The following DOCK10 variants were observed in gnomAD, a reference collection of about 807,000 sequenced individuals.
DOCK10 encodes the protein dedicator of cytokinesis protein 10.
In DOCK10, 145 loss-of-function variants were observed where a neutral mutation model predicts 280.1. The ratio of observed to expected loss-of-function variants is 0.52; its 90% CI spans 0.45 to 0.59. DOCK10 has a LOEUF of 0.59. Ranked by LOEUF, DOCK10 falls within the 20% of genes least tolerant of loss-of-function variation. The pLI is 0.00. For synonymous variants in DOCK10, 915 were observed against 942.2 expected, an observed-to-expected ratio of 0.97 and a Z score of 0.53; for missense variants, 2,368 against 2,651.7, an observed-to-expected ratio of 0.89 and a Z score of 2.35.
In DOCK10 at chr2:224,864,579, A is replaced by G; in HGVS notation, c.1576T>C (p.Tyr526His). 6.2e-7 allele frequency: 1 copy of G among 1,606,024 alleles called. No homozygotes were observed. Among genetic ancestry groups the G allele is most frequent in the Non-Finnish European group, 8.5e-7 (1 of 1,177,922 alleles). ...MGNIASGAEP[Y>H]IKNPDSNKYA... is the part of the protein sequence containing the mutation. ...TTGTTGGAGTCTGGGTTCTTAATATAAGGTTCGGCACCACTTGCAATGTTT... is the reference window on the plus strand; with the variant it reads ...TTGTTGGAGTCTGGGTTCTTAATATGAGGTTCGGCACCACTTGCAATGTTT... Residue 526 changes from tyrosine to histidine, a missense_variant, in exon 13 of 56, where the codon TAT becomes CAT. Tyr to His is a moderately conservative substitution (Grantham distance 83). This residue lies in a region of DOCK10 where 1,209 missense variants were observed against 1,250.9 expected (regional missense o/e 0.97). Coordinates refer to ENST00000258390, the MANE Select transcript of DOCK10 (RefSeq NM_014689.3).
At chr2:224,823,145 G>A (rs1412742270) in intron 28 of DOCK10, among the ~76,000 whole-genome samples, 1 of 151,314 alleles carries the variant, frequency 6.6e-6, no homozygotes, top group Non-Finnish European at 1.5e-5. Context: ...GCACCACCAC[G>A]CCCAGCTAAT....
Position 224,805,405 on chromosome 2 carries a change from T to C in DOCK10, c.3936+3A>G. On this transcript the variant is annotated splice_donor_region_variant and intron_variant, in intron 35 of 55. Coordinates refer to ENST00000258390, the MANE Select transcript of DOCK10 (RefSeq NM_014689.3). The surrounding 1 kb of genome is among the most constrained non-coding windows in gnomAD (Gnocchi z 4.3). ...ATCAGTAGGTTTGAGAGGGAAGTCA[T>C]ACCTTTTCACAGTTGTCCGTCTTCT... is the stretch of plus-strand genomic sequence containing the variant. 2 of 1,612,842 alleles carry C rather than the reference T, an allele frequency of 1.2e-6. No individual in the cohort carries two copies. The highest frequency in any genetic ancestry group is 1.3e-5 in the African/African-American group (1 of 74,970).
intron 1 of DOCK10, among the ~76,000 whole-genome samples, chr2:224,960,444 G>A (rs114548299): frequency 0.015 from 2,291 of 152,292 alleles, 22 homozygotes; most frequent in Middle Eastern, 0.024. Flanking sequence ...TCTTTACAGA[G>A]CTTAGAGGAG....
At chr2:224,878,786 T>G (rs1698794071) in intron 7 of DOCK10, among the ~76,000 whole-genome samples, 1 of 152,260 alleles carries the variant, frequency 6.6e-6, no homozygotes, top group South Asian at 2.1e-4. Flanking sequence ...ATTATTTATT[T>G]CTTTGCCTTA....
intron 26 of DOCK10, among the ~76,000 whole-genome samples, chr2:224,833,520 C>T (rs1695390983): frequency 6.6e-6 from 1 of 151,886 alleles, no homozygotes; most frequent in African/African-American, 2.4e-5. Context: ...TTACCTCCTC[C>T]ATCAGATATC....
chr2:224,954,744 C>T (rs1303168793), intron 1 of DOCK10, among the ~76,000 whole-genome samples: 2 of 152,228 alleles, frequency 1.3e-5, no homozygotes, highest in Non-Finnish European at 2.9e-5. Flanking sequence ...CTGCTCTTTA[C>T]AAAGGCATGC....
intron 3 of DOCK10, among the ~76,000 whole-genome samples, chr2:224,916,031 G>A (rs192671934): frequency 6.6e-6 from 1 of 152,236 alleles, no homozygotes; most frequent in Non-Finnish European, 1.5e-5. Context: ...GATCATGGGG[G>A]TGGATCCCTC....
intron 3 of DOCK10, among the ~76,000 whole-genome samples, chr2:224,898,579 A>T (rs1700116918): frequency 6.6e-6 from 1 of 152,068 alleles, no homozygotes; most frequent in Non-Finnish European, 1.5e-5. Flanking sequence ...TAAGAGGAAA[A>T]TTGAGCCTTT....
Position 224,841,722 on chromosome 2 carries a change from T to TCC in DOCK10, c.2661+81_2661+82insGG, listed in dbSNP as rs146189270. The TCC allele has an allele frequency of 1.2e-3, 935 of 810,578 alleles. 10 individuals are homozygous for TCC. In the African/African-American group the frequency reaches 0.014, roughly 12 times the overall value. The allele number at this position is 810,578 out of a possible 1,614,324, so 50.2% of individuals were successfully genotyped here. On this transcript the variant is annotated intron_variant, in intron 23 of 55. Coordinates refer to ENST00000258390, the MANE Select transcript of DOCK10 (RefSeq NM_014689.3). ...CTTGAGTAATAATCATCTCCCAGTTTGCCCATCGGTGGAAAATGTAAAAGT... is the reference window on the plus strand; with the variant it reads ...CTTGAGTAATAATCATCTCCCAGTTTCCGCCCATCGGTGGAAAATGTAAAAGT...
At chr2:225,031,484 C>G (rs1300167650) in intron 1 of DOCK10, among the ~76,000 whole-genome samples, 1 of 152,180 alleles carries the variant, frequency 6.6e-6, no homozygotes, top group Non-Finnish European at 1.5e-5. Flanking sequence ...AGTCTTGAGA[C>G]CCTCTGAAAT....
intron 1 of DOCK10, among the ~76,000 whole-genome samples, chr2:224,933,195 A>G (rs1175379346): frequency 6.6e-6 from 1 of 152,242 alleles, no homozygotes; most frequent in Non-Finnish European, 1.5e-5. Flanking sequence ...ATGCTATGGC[A>G]TGACTTGGGG....
chr2:224,864,432 C>T (rs759749104), intron 13 of DOCK10, 121 bp downstream of exon 13: 135 of 972,184 alleles, frequency 1.4e-4, no homozygotes, highest in Middle Eastern at 8.7e-4. Flanking sequence ...ATCACTTGAA[C>T]CCAGGAGACA....
chr2:224,919,034 G>A (rs549755873), intron 2 of DOCK10, among the ~76,000 whole-genome samples: 8 of 147,658 alleles, frequency 5.4e-5, no homozygotes, highest in Middle Eastern at 3.6e-3. Context: ...GGGTGTGTGT[G>A]GTGAGTGTAT....
At chr2:224,773,757 G>A (rs1465904257) in intron 52 of DOCK10, among the ~76,000 whole-genome samples, 2 of 151,442 alleles carry the variant, frequency 1.3e-5, no homozygotes, top group East Asian at 1.9e-4. Context: ...TCAGCCTCTC[G>A]AGTAGCTGGG....
At chr2:224,982,162 A>G (rs1705782957) in intron 1 of DOCK10, 1 of 1,217,518 alleles carries the variant, frequency 8.2e-7, no homozygotes, top group Non-Finnish European at 1.0e-6. Context: ...CCTCTCTATA[A>G]TAACAGTTCA....
rs371361306 is a variant in DOCK10 at position 224,800,288 on chromosome 2, C to T, written c.4394-25G>A. 153 of 1,452,036 alleles carry T rather than the reference C, an allele frequency of 1.1e-4. 1 individual carries two copies. The African/African-American group carries it at 1.8e-3, about 17-fold the overall frequency. The allele number at this position is 1,452,036 out of a possible 1,614,324, so 89.9% of individuals were successfully genotyped here. On this transcript the variant is annotated intron_variant, in intron 40 of 55. Coordinates refer to ENST00000258390, the MANE Select transcript of DOCK10 (RefSeq NM_014689.3). ...CCTATAAAATACAAAATAAAACATG[C>T]GTAAAAGTCTAAGACAATGCTTTGT...
intron 1 of DOCK10, among the ~76,000 whole-genome samples, chr2:224,935,781 T>A (rs191818321): frequency 2.6e-4 from 39 of 152,342 alleles, no homozygotes; most frequent in Admixed American, 7.8e-4. Flanking sequence ...ATAAATTTAA[T>A]GTCTACAAAG....
At chr2:224,833,261 C>CCTTCAGTTCCACTGAA (rs1001661238) in intron 26 of DOCK10, among the ~76,000 whole-genome samples, 2 of 151,862 alleles carry the variant, frequency 1.3e-5, no homozygotes, top group Admixed American at 6.5e-5. Context: ...AGTGGGAACG[C>CCTTCAGTTCCACTGAA]CTGGCCTATG....
At chr2:224,784,782 C>T in intron 50 of DOCK10, 1 of 1,289,320 alleles carries the variant, frequency 7.8e-7, no homozygotes, top group Non-Finnish European at 1.0e-6. Context: ...GAGTAAACAT[C>T]TGCATTAAAA....
Sources: allele counts gnomAD v4.1 joint callset (sites outside exome capture counted in the v4.1 genomes callset), GRCh38; gene constraint gnomAD v4.1.1; regional missense constraint gnomAD v4.1.1; non-coding constraint Gnocchi (gnomAD v3.1); transcripts MANE v1.5; gene names NCBI Gene and HGNC (gene_info 2026-07-23, HGNC 2026-07-21).